GRM8: variants seen among roughly 807,000 people sequenced by gnomAD.
The protein encoded by GRM8 is glutamate metabotropic receptor 8, also known as metabotropic glutamate receptor 8.
GRM8 carries 47 observed loss-of-function variants against 87.2 expected under a neutral mutation model. The ratio of observed to expected loss-of-function variants is 0.54; its 90% CI spans 0.43 to 0.69. The LOEUF is 0.69. Among genes scored for constraint, GRM8 ranks in the 30% least tolerant of loss-of-function variants. The pLI is 0.00. For missense variants in GRM8, 1,019 were observed against 1,139.2 expected (o/e 0.89, Z 1.52); for synonymous variants, 396 against 404.5 (o/e 0.98, Z 0.25).
intron 2 of GRM8, among the ~76,000 whole-genome samples, chr7:127,134,819 G>T (rs967625612): frequency 3.9e-5 from 6 of 152,208 alleles, no homozygotes; most frequent in African/African-American, 1.4e-4. Flanking sequence ...TAAGTGAAAA[G>T]TCTATCAAAA....
intron 6 of GRM8, among the ~76,000 whole-genome samples, chr7:126,896,518 G>A (rs557539118): frequency 4.6e-5 from 7 of 152,118 alleles, no homozygotes; most frequent in East Asian, 1.9e-4. Flanking sequence ...GTCTCTATGC[G>A]TCCTGAGTGA....
intron 6 of GRM8, among the ~76,000 whole-genome samples, chr7:126,844,039 T>G: frequency 6.6e-6 from 1 of 152,364 alleles, no homozygotes; most frequent in Middle Eastern, 3.4e-3. Flanking sequence ...AAAGAATTAA[T>G]GTGCTGATTA....
chr7:126,761,799 A>G (rs1415448790), intron 7 of GRM8, among the ~76,000 whole-genome samples: 1 of 152,188 alleles, frequency 6.6e-6, no homozygotes, highest in East Asian at 1.9e-4. Flanking sequence ...TCTTCAAGCT[A>G]TTATTAAACT....
chr7:126,755,397 T>G (rs185942455), intron 7 of GRM8, among the ~76,000 whole-genome samples: 1 of 152,002 alleles, frequency 6.6e-6, no homozygotes, highest in East Asian at 1.9e-4. Flanking sequence ...AAAAAATGTC[T>G]GAAATGTCAG....
At chr7:127,182,225 C>A (rs888349465) in intron 2 of GRM8, among the ~76,000 whole-genome samples, 1 of 151,974 alleles carries the variant, frequency 6.6e-6, no homozygotes, top group Non-Finnish European at 1.5e-5. Flanking sequence ...ATACAAATGG[C>A]CAACAAACAC....
intron 2 of GRM8, among the ~76,000 whole-genome samples, chr7:127,123,751 T>C (rs1288835326): frequency 2.0e-5 from 3 of 152,220 alleles, no homozygotes; most frequent in Non-Finnish European, 4.4e-5. Context: ...TCTGTTTCAA[T>C]ATGGGTCAAA....
At chr7:126,962,723 T>C (rs1481727737) in intron 3 of GRM8, among the ~76,000 whole-genome samples, 1 of 152,206 alleles carries the variant, frequency 6.6e-6, no homozygotes, top group Admixed American at 6.5e-5. Flanking sequence ...TACCTACAGC[T>C]AGAGCAAATG....
At chr7:127,086,395 T>C (rs1823509910) in intron 3 of GRM8, among the ~76,000 whole-genome samples, 1 of 152,194 alleles carries the variant, frequency 6.6e-6, no homozygotes, top group Admixed American at 6.5e-5. Context: ...CCACTGCGCC[T>C]GGCCCAGTAT....
At chr7:126,794,911 T>A (rs752364881) in intron 6 of GRM8, among the ~76,000 whole-genome samples, 12 of 152,186 alleles carry the variant, frequency 7.9e-5, no homozygotes. Context: ...CTGTACATTA[T>A]ACTCACCTGG....
chr7:126,820,484 C>T (rs1794197604), intron 6 of GRM8, among the ~76,000 whole-genome samples: 1 of 152,180 alleles, frequency 6.6e-6, no homozygotes, highest in South Asian at 2.1e-4. Flanking sequence ...CTTTTCTTAA[C>T]AACATCTTTA....
At chr7:127,024,579 T>G (rs1172287295) in intron 3 of GRM8, among the ~76,000 whole-genome samples, 1 of 152,068 alleles carries the variant, frequency 6.6e-6, no homozygotes, top group African/African-American at 2.4e-5. Flanking sequence ...CGACATCTCT[T>G]TGCTGACTGA....
At chr7:126,929,078 AAAG>A (rs1724825972) in intron 3 of GRM8, among the ~76,000 whole-genome samples, 4 of 152,234 alleles carry the variant, frequency 2.6e-5, no homozygotes, top group African/African-American at 7.2e-5. Context: ...GAAGTAGAAA[AAAG>A]GAGGAAAACG....
intron 3 of GRM8, among the ~76,000 whole-genome samples, chr7:126,942,678 G>T (rs550885180): frequency 6.6e-6 from 1 of 152,280 alleles, no homozygotes; most frequent in East Asian, 1.9e-4. Context: ...GATTGGAGAA[G>T]TATAATTAAA....
intron 2 of GRM8, among the ~76,000 whole-genome samples, chr7:127,146,296 CA>C (rs1828549732): frequency 6.6e-6 from 1 of 152,026 alleles, no homozygotes; most frequent in African/African-American, 2.4e-5. Flanking sequence ...CAGCCTACAT[CA>C]GGGGCACTCT....
intron 2 of GRM8, among the ~76,000 whole-genome samples, chr7:127,198,837 ATT>A (rs35710456): frequency 0.042 from 5,222 of 125,750 alleles, 328 homozygotes; most frequent in African/African-American, 0.15. Flanking sequence ...ACCGTGCCTA[ATT>A]TTTTTTTTTT....
At chr7:126,750,121 T>C (rs576743500) in intron 7 of GRM8, among the ~76,000 whole-genome samples, 2 of 152,158 alleles carry the variant, frequency 1.3e-5, no homozygotes, top group Non-Finnish European at 2.9e-5. Context: ...AATACACAAA[T>C]TGTGATATGC....
chr7:126,892,694 T>C (rs1801171385), intron 6 of GRM8, among the ~76,000 whole-genome samples: 1 of 152,100 alleles, frequency 6.6e-6, no homozygotes, highest in African/African-American at 2.4e-5. Flanking sequence ...TAGTTCTAGA[T>C]CCCTGAGGAA....
At chr7:126,481,695 A>G (rs1806694595) in intron 9 of GRM8, among the ~76,000 whole-genome samples, 1 of 152,100 alleles carries the variant, frequency 6.6e-6, no homozygotes, top group Admixed American at 6.6e-5. Context: ...CCAAGGAAGC[A>G]TGACAACTTA....
chr7:126,830,454 C>T lies in GRM8; in HGVS notation c.1157-60389G>A, dbSNP rs530157952. Among the ~76,000 whole-genome samples the T allele has an allele frequency of 9.9e-5, 15 of 152,278 alleles. No homozygotes were observed. The East Asian group carries it at 2.9e-3, about 29-fold the overall frequency. On this transcript the variant is annotated intron_variant, in intron 6 of 10. Transcript: ENST00000339582. ...CCTTCTCGCTTCATTTCATTCATTT[C>T]ATCTTCCATCACTAATACCCTGTCT...
Sources: allele counts gnomAD v4.1 joint callset (sites outside exome capture counted in the v4.1 genomes callset), GRCh38; gene constraint gnomAD v4.1.1; transcripts MANE v1.5; gene names NCBI Gene and HGNC (gene_info 2026-07-23, HGNC 2026-07-21).